DSCAM: variants seen among roughly 807,000 people sequenced by gnomAD.
DSCAM encodes cell adhesion molecule DSCAM.
In DSCAM, 47 loss-of-function variants were observed where a neutral mutation model predicts 217.7. The ratio of observed to expected loss-of-function variants is 0.22; its 90% CI spans 0.17 to 0.28. The LOEUF (loss-of-function observed/expected upper bound fraction) is 0.28, where lower values mean the gene tolerates loss of function less well. Among genes scored for constraint, DSCAM ranks in the 10% least tolerant of loss-of-function variants. DSCAM has a pLI of 1.00. For synonymous variants in DSCAM, 1,056 were observed against 1,015.3 expected, an observed-to-expected ratio of 1.04 and a Z score of -0.76; for missense variants, 2,080 against 2,618.3, an observed-to-expected ratio of 0.79 and a Z score of 4.49.
chr21:40,592,562 T>C (rs2076991588), intron 3 of DSCAM, among the ~76,000 whole-genome samples: 1 of 152,188 alleles, frequency 6.6e-6, no homozygotes, highest in East Asian at 1.9e-4. Flanking sequence ...GAAACACCCC[T>C]TCTTCCTGTT....
intron 3 of DSCAM, among the ~76,000 whole-genome samples, chr21:40,671,587 G>T (rs1194556764): frequency 4.6e-5 from 7 of 151,648 alleles, no homozygotes; most frequent in African/African-American, 1.7e-4. Flanking sequence ...TACTTGGGAG[G>T]CTGAGGCAAG....
At chr21:40,074,843 G>A (rs1466379319) in intron 27 of DSCAM, among the ~76,000 whole-genome samples, 194 bp downstream of exon 27, 1 of 152,210 alleles carries the variant, frequency 6.6e-6, no homozygotes, top group East Asian at 1.9e-4. Context: ...ACCGAGATAG[G>A]AACATTCTTA....
At chr21:40,258,139 G>C (rs1226442475) in intron 11 of DSCAM, among the ~76,000 whole-genome samples, 1 of 152,174 alleles carries the variant, frequency 6.6e-6, no homozygotes, top group Non-Finnish European at 1.5e-5. Context: ...AGAAAGTATT[G>C]TTCCTAGCAG....
chr21:40,560,499 G>C (rs192162994), intron 3 of DSCAM, among the ~76,000 whole-genome samples: 2 of 152,152 alleles, frequency 1.3e-5, no homozygotes, highest in African/African-American at 4.8e-5. Context: ...TTTGCACATC[G>C]GTGTTTTCAG....
intron 9 of DSCAM, among the ~76,000 whole-genome samples, chr21:40,311,770 C>T (rs1171327959): frequency 6.6e-6 from 1 of 151,994 alleles, no homozygotes; most frequent in African/African-American, 2.4e-5. Flanking sequence ...AGCTCACGGA[C>T]GTTAGTCCTC....
chr21:40,523,475 C>T (rs900661509), intron 3 of DSCAM, among the ~76,000 whole-genome samples: 1 of 152,168 alleles, frequency 6.6e-6, no homozygotes, highest in Non-Finnish European at 1.5e-5. Context: ...GGCCAGCAGG[C>T]CATTGACCGG....
At chr21:40,357,540 G>T (rs961743349) in intron 4 of DSCAM, among the ~76,000 whole-genome samples, 2 of 152,184 alleles carry the variant, frequency 1.3e-5, no homozygotes, top group Non-Finnish European at 2.9e-5. Context: ...ACACTAACTT[G>T]CAGACCATAT....
chr21:40,604,898 CTATG>C (rs1803874402), intron 3 of DSCAM, among the ~76,000 whole-genome samples: 1 of 152,100 alleles, frequency 6.6e-6, no homozygotes, highest in African/African-American at 2.4e-5. Flanking sequence ...CTTCCTCCTC[CTATG>C]TGAGGCAGGC....
In DSCAM at chr21:40,013,348, A is replaced by G. The variant is rs755075868; in HGVS notation, c.5725T>C (p.Phe1909Leu). ...CCTGGACCACCTCGGTTTAACAAAAAGTCCATTCTAAGGTATGGAGGCAAA... is the reference window on the plus strand; with the variant it reads ...CCTGGACCACCTCGGTTTAACAAAAGGTCCATTCTAAGGTATGGAGGCAAA... Reference protein sequence around the residue: ...IHLPPYLRMDFLLNRGGPGTS... With the variant: ...IHLPPYLRMDLLLNRGGPGTS... The change falls in exon 33 of 33, where the codon TTT becomes CTT. Residue 1909 changes from phenylalanine (F) to leucine (L), a missense_variant. Phe to Leu is a conservative substitution (Grantham distance 22, BLOSUM62 0). Coordinates refer to ENST00000400454, the MANE Select transcript of DSCAM (RefSeq NM_001389.5). The G allele has an allele frequency of 1.2e-6, 2 of 1,600,916 alleles. No individual in the cohort carries two copies. The highest frequency in any genetic ancestry group is 3.5e-5 in the Admixed American group (2 of 57,966).
intron 4 of DSCAM, among the ~76,000 whole-genome samples, chr21:40,360,479 T>G (rs1213212099): frequency 6.6e-6 from 1 of 152,040 alleles, no homozygotes; most frequent in Non-Finnish European, 1.5e-5. Flanking sequence ...TTCCACAGTC[T>G]AGTGTCCACA....
intron 3 of DSCAM, among the ~76,000 whole-genome samples, chr21:40,666,230 G>A (rs907364085): frequency 6.6e-6 from 1 of 152,262 alleles, no homozygotes; most frequent in African/African-American, 2.4e-5. Flanking sequence ...CTAAATATGA[G>A]GAGGATGATG....
intron 1 of DSCAM, among the ~76,000 whole-genome samples, chr21:40,833,779 A>T (rs2092031116): frequency 6.6e-6 from 1 of 152,176 alleles, no homozygotes; most frequent in Non-Finnish European, 1.5e-5. Context: ...CCATGGAAAA[A>T]ACGCAGTACT....
At chr21:40,734,475 G>A (rs1271792731) in intron 1 of DSCAM, among the ~76,000 whole-genome samples, 4 of 152,314 alleles carry the variant, frequency 2.6e-5, no homozygotes, top group East Asian at 1.9e-4. Flanking sequence ...GCCTCTTTAA[G>A]AGACAAAGGG....
chr21:40,134,111 C>T (rs985503903), intron 18 of DSCAM, 102 bp from the exon 19 acceptor site: 22 of 1,413,108 alleles, frequency 1.6e-5, no homozygotes, highest in African/African-American at 7.2e-5. Context: ...TGCCATCACC[C>T]GTCCAGCCAT....
intron 1 of DSCAM, among the ~76,000 whole-genome samples, chr21:40,764,324 G>A (rs1284281699): frequency 4.9e-5 from 6 of 121,242 alleles, no homozygotes; most frequent in East Asian, 2.5e-4. Context: ...TATTTATGCC[G>A]CCAAAAAAAA....
At chr21:40,612,280 G>C (rs6517601) in intron 3 of DSCAM, among the ~76,000 whole-genome samples, 45,512 of 151,962 alleles carry the variant, frequency 0.3, 6,879 homozygotes, top group East Asian at 0.44. Context: ...TTGACCAAGA[G>C]AATCTGGTGG....
intron 1 of DSCAM, among the ~76,000 whole-genome samples, chr21:40,731,730 C>A (rs1046913560): frequency 2.9e-4 from 26 of 89,892 alleles, no homozygotes; most frequent in Admixed American, 8.9e-4. Context: ...CCCACTGCAC[C>A]CCCCCCCCCG....
intron 16 of DSCAM, among the ~76,000 whole-genome samples, chr21:40,163,070 A>AACACACACACAC (rs3069756): frequency 0.03 from 4,258 of 143,186 alleles, 112 homozygotes; most frequent in African/African-American, 0.064. Flanking sequence ...GACCATGGCA[A>AACACACACACAC]ACACACACAC....
At chr21:40,162,060 G>C (rs2090546427) in intron 16 of DSCAM, among the ~76,000 whole-genome samples, 1 of 152,160 alleles carries the variant, frequency 6.6e-6, no homozygotes, top group South Asian at 2.1e-4. Context: ...GAATAGTAAA[G>C]GGAGTTAATA....
Sources: gnomAD v4.1 joint callset for allele counts (sites outside exome capture counted in the v4.1 genomes callset) on GRCh38, gnomAD v4.1.1 for gene constraint, MANE v1.5 for transcripts, NCBI Gene and HGNC (gene_info 2026-07-23, HGNC 2026-07-21) for gene names.